SUPT3H: variants seen among roughly 807,000 people sequenced by gnomAD.
SUPT3H encodes transcription initiation protein SPT3 homolog.
In SUPT3H, 44 loss-of-function variants were observed where a neutral mutation model predicts 44.3. The observed-to-expected ratio is 0.99, with a 90% CI of 0.78 to 1.28. The LOEUF is 1.28. Ranked by LOEUF, SUPT3H falls within the 50% of genes most tolerant of loss-of-function variation. SUPT3H has a pLI of 0.00. For synonymous variants in SUPT3H, 124 were observed against 125.6 expected, an observed-to-expected ratio of 0.99 and a Z score of 0.09; for missense variants, 380 against 387.1, an observed-to-expected ratio of 0.98 and a Z score of 0.15.
At chr6:45,033,402 C>T (rs996915379) in intron 3 of SUPT3H, among the ~76,000 whole-genome samples, 2 of 152,044 alleles carry the variant, frequency 1.3e-5, no homozygotes, top group Non-Finnish European at 2.9e-5. Context: ...CTAGTATAGG[C>T]CAGTCATGGG....
chr6:45,191,438 C>T (rs562489194), intron 2 of SUPT3H, among the ~76,000 whole-genome samples: 9 of 151,994 alleles, frequency 5.9e-5, no homozygotes, highest in South Asian at 2.1e-4. Flanking sequence ...AGGTGGAGCA[C>T]GCGGGATTTT....
chr6:45,135,505 A>G (rs1804130028), intron 2 of SUPT3H, among the ~76,000 whole-genome samples: 1 of 152,164 alleles, frequency 6.6e-6, no homozygotes, highest in South Asian at 2.1e-4. Context: ...TTTGCATAGA[A>G]ATTTATTCCA....
intron 5 of SUPT3H, among the ~76,000 whole-genome samples, chr6:45,012,831 T>G (rs1032992240): frequency 6.6e-6 from 1 of 152,162 alleles, no homozygotes; most frequent in African/African-American, 2.4e-5. Context: ...ATTGTTTATT[T>G]CATGACTTGG....
chr6:45,214,015 C>CAAAAAAAAAAAAAAAAA (rs11418358), intron 2 of SUPT3H, among the ~76,000 whole-genome samples: 2 of 74,108 alleles, frequency 2.7e-5, no homozygotes, highest in Non-Finnish European at 4.9e-5. Flanking sequence ...TTTTGAAATG[C>CAAAAAAAAAAAAAAAAA]AAAAAAAAAA....
chr6:45,018,432 A>G (rs1784627153), intron 4 of SUPT3H, among the ~76,000 whole-genome samples: 2 of 151,460 alleles, frequency 1.3e-5, no homozygotes, highest in South Asian at 4.2e-4. Context: ...GCCAGTTTTC[A>G]AAGGGAATGC....
At chr6:45,351,050 G>GT (rs1554358201) in intron 2 of SUPT3H, among the ~76,000 whole-genome samples, 1 of 152,100 alleles carries the variant, frequency 6.6e-6, no homozygotes, top group Non-Finnish European at 1.5e-5. Context: ...GATGTGAGGT[G>GT]TAACAGTTGC....
chr6:44,880,742 C>T (rs1246879331), intron 10 of SUPT3H, among the ~76,000 whole-genome samples: 1 of 152,276 alleles, frequency 6.6e-6, no homozygotes, highest in East Asian at 1.9e-4. Flanking sequence ...TGCAGAAACC[C>T]TACAAGCCAG....
At chr6:45,048,221 CTTTTTTTTTTTT>C (rs67557043) in intron 3 of SUPT3H, among the ~76,000 whole-genome samples, 2,463 of 88,500 alleles carry the variant, frequency 0.028, 130 homozygotes, top group South Asian at 0.13. Context: ...TCTCTCTACT[CTTTTTTTTTTTT>C]TTTTTTTTTT....
intron 2 of SUPT3H, among the ~76,000 whole-genome samples, chr6:45,131,880 T>C (rs1473698887): frequency 2.0e-5 from 3 of 152,154 alleles, no homozygotes; most frequent in African/African-American, 7.2e-5. Flanking sequence ...CCTTCATTCA[T>C]GGGAAATACG....
At chr6:45,123,518 T>C (rs990390911) in intron 2 of SUPT3H, among the ~76,000 whole-genome samples, 3 of 151,890 alleles carry the variant, frequency 2.0e-5, no homozygotes, top group Admixed American at 6.6e-5. Flanking sequence ...GGATTATAGC[T>C]GTGAGCCACT....
intron 2 of SUPT3H, among the ~76,000 whole-genome samples, chr6:45,198,194 AT>A (rs148086370): frequency 0.045 from 6,770 of 151,478 alleles, 219 homozygotes; most frequent in Non-Finnish European, 0.07. Flanking sequence ...GAACAAAAAA[AT>A]ATTTTAAAAA....
At chr6:45,214,587 C>G (rs1327790084) in intron 2 of SUPT3H, among the ~76,000 whole-genome samples, 3 of 152,194 alleles carry the variant, frequency 2.0e-5, no homozygotes, top group African/African-American at 7.2e-5. Flanking sequence ...TGGCACACAT[C>G]TGTAATCCCA....
chr6:44,944,401 G>T (rs1582661116), intron 9 of SUPT3H, among the ~76,000 whole-genome samples: 2 of 151,988 alleles, frequency 1.3e-5, no homozygotes, highest in South Asian at 4.1e-4. Context: ...AATAGGAAAA[G>T]TTACCCTATA....
chr6:44,824,924 T>A (rs1161889636), downstream of SUPT3H, among the ~76,000 whole-genome samples: 1 of 152,250 alleles, frequency 6.6e-6, no homozygotes, highest in South Asian at 2.1e-4. Context: ...ATATAATTAA[T>A]GAATTAATGA....
At chr6:44,865,626 A>G (rs574187613) in intron 10 of SUPT3H, among the ~76,000 whole-genome samples, 44 of 152,274 alleles carry the variant, frequency 2.9e-4, no homozygotes, top group Non-Finnish European at 5.1e-4. Context: ...CTTATGAAAC[A>G]TATTCACTAT....
chr6:44,988,721 A>G (rs1169293805), intron 6 of SUPT3H, among the ~76,000 whole-genome samples: 2 of 152,038 alleles, frequency 1.3e-5, no homozygotes. Context: ...CAAATAACAT[A>G]TAATGGTTTT....
At chr6:45,038,905 T>C (rs1439831685) in intron 3 of SUPT3H, among the ~76,000 whole-genome samples, 1 of 152,172 alleles carries the variant, frequency 6.6e-6, no homozygotes, top group Non-Finnish European at 1.5e-5. Flanking sequence ...AATAACTGAA[T>C]AGTTATTAAA....
chr6:44,937,642 T>C (rs768740144), intron 9 of SUPT3H, among the ~76,000 whole-genome samples: 16 of 152,220 alleles, frequency 1.1e-4, no homozygotes, highest in African/African-American at 2.4e-5. Context: ...TAAAATGATA[T>C]CTCATTGTGG....
intron 2 of SUPT3H, among the ~76,000 whole-genome samples, chr6:45,202,237 C>T (rs1034747227): frequency 2.6e-5 from 4 of 151,850 alleles, no homozygotes; most frequent in African/African-American, 7.2e-5. Flanking sequence ...AATATTTAGA[C>T]ATTATCTGTC....
Sources: gnomAD v4.1 joint callset for allele counts (sites outside exome capture counted in the v4.1 genomes callset) on GRCh38, gnomAD v4.1.1 for gene constraint, MANE v1.5 for transcripts, NCBI Gene and HGNC (gene_info 2026-07-23, HGNC 2026-07-21) for gene names.